KCNQ1OT1: variants seen among roughly 807,000 people sequenced by gnomAD.
KCNQ1OT1 encodes KCNQ1 antisense RNA 2 (non-protein coding).
Position 2,621,595 on chromosome 11 carries a change from CT to C in KCNQ1OT1, n.78399del. The stretch of plus-strand genomic sequence containing the variant: ...ATTGGTCTGTTCAGGCTTTCTATTC[CT>C]GATTTAATCTTAGCAGGTTGGTTTT... On this transcript the variant is annotated non_coding_transcript_exon_variant, in exon 1 of 1. Transcript: ENST00000597346. The surrounding 1 kb of genome is among the most constrained non-coding windows in gnomAD (Gnocchi z 5.7). 2.5e-6 allele frequency: 1 copy of C among 398,352 alleles called. No individual in the cohort carries two copies. Among genetic ancestry groups the C allele is most frequent in the Non-Finnish European group, 4.4e-6 (1 of 226,004 alleles). The allele number at this position is 398,352 out of a possible 1,614,324, so 24.7% of individuals were successfully genotyped here. A position where few individuals can be genotyped will look rare whatever the true frequency, so the allele number is the denominator to read the frequency against.
exon 1 of KCNQ1OT1, chr11:2,688,335 T>TG (rs1850527867): frequency 1.0e-5 from 4 of 398,624 alleles, no homozygotes; most frequent in Middle Eastern, 6.2e-4. Context: ...ACAGCTTCCA[T>TG]GGGGGTCTTC....
chr11:2,608,733 C>T lies in KCNQ1OT1; in HGVS notation n.91262G>A, dbSNP rs981613711. 1.0e-5 allele frequency: 4 copies of T among 398,316 alleles called. No homozygotes were observed. The highest frequency in any genetic ancestry group is 6.2e-5 in the African/African-American group (3 of 48,398). The allele number at this position is 398,316 out of a possible 1,614,324, so 24.7% of individuals were successfully genotyped here. On this transcript the variant is annotated non_coding_transcript_exon_variant, in exon 1 of 1. Coordinates refer to ENST00000597346, the Ensembl canonical transcript of KCNQ1OT1. The surrounding 1 kb of genome is among the most constrained non-coding windows in gnomAD (Gnocchi z 4.6). ...CGAACTCCTGGCCACAAGCAATTCT[C>T]CTGCCTTGGCCTCCCAAAGTGCTGG...
Position 2,677,741 on chromosome 11 carries a change from C to T in KCNQ1OT1, n.22254G>A, listed in dbSNP as rs1011695671. 5 of 398,328 alleles carry T rather than the reference C, an allele frequency of 1.3e-5. No individual in the cohort carries two copies. The highest frequency in any genetic ancestry group is 7.1e-5 in the East Asian group (2 of 28,074). The allele number at this position is 398,328 out of a possible 1,614,324, so 24.7% of individuals were successfully genotyped here. ...ATCTCTATTGTAAAATTTTGGTCTC[C>T]GTTTTCAGTGGATTTACTTTAAGAG... is the stretch of plus-strand genomic sequence containing the variant. On this transcript the variant is annotated non_coding_transcript_exon_variant, in exon 1 of 1. Transcript: ENST00000597346. This position sits in a 1 kb window ranked among gnomAD's most constrained non-coding sequence, Gnocchi z 4.5.
At chr11:2,667,538 T>C (rs1349779007) in exon 1 of KCNQ1OT1, 22 of 389,168 alleles carry the variant, frequency 5.7e-5, no homozygotes, top group Middle Eastern at 6.3e-4. Flanking sequence ...ACAACTGCAC[T>C]GATATTGTCA....
At chr11:2,685,979 G>T (rs1386894155) in exon 1 of KCNQ1OT1, 3 of 398,598 alleles carry the variant, frequency 7.5e-6, no homozygotes, top group Non-Finnish European at 1.3e-5. Flanking sequence ...TGTACACTCT[G>T]GGCCTCAGAC....
At chr11:2,686,988 C>T (rs1422973037) in exon 1 of KCNQ1OT1, 2 of 398,496 alleles carry the variant, frequency 5.0e-6, no homozygotes, top group Non-Finnish European at 8.8e-6. Context: ...CAACACTGGG[C>T]CCTGACTTGC....
Position 2,671,068 on chromosome 11 carries a change from T to A in KCNQ1OT1, n.28927A>T, listed in dbSNP as rs924798688. On this transcript the variant is annotated non_coding_transcript_exon_variant, in exon 1 of 1. Transcript: ENST00000597346. This position sits in a 1 kb window ranked among gnomAD's most constrained non-coding sequence, Gnocchi z 4.7. Reference sequence around the variant, plus strand: ...TATCTGAGGCACACATCCTTGGTAGTGACTGGCTAGCAGGAGGAAGTCTGG... The same window carrying A: ...TATCTGAGGCACACATCCTTGGTAGAGACTGGCTAGCAGGAGGAAGTCTGG... The A allele has an allele frequency of 1.5e-5, 6 of 398,496 alleles. No individual in the cohort carries two copies. Among genetic ancestry groups the A allele is most frequent in the African/African-American group, 1.0e-4 (5 of 48,596 alleles). 24.7% of individuals were successfully genotyped at this position (398,496 alleles called of 1,614,324 possible).
chr11:2,630,112 TA>T (rs1849329163), exon 1 of KCNQ1OT1: 1 of 398,240 alleles, frequency 2.5e-6, no homozygotes, highest in Non-Finnish European at 4.4e-6. Flanking sequence ...AATTTGTTCA[TA>T]GTTTTTATCA....
At position 2,679,748 on chromosome 11, in the gene KCNQ1OT1, G is replaced by A. The variant is rs894942343; in HGVS notation, n.20247C>T. The A allele has an allele frequency of 5.0e-6, 2 of 398,556 alleles. No individual in the cohort carries two copies. Among genetic ancestry groups the A allele is most frequent in the Admixed American group, 4.4e-5 (1 of 22,734 alleles). The allele number at this position is 398,556 out of a possible 1,614,324, so 24.7% of individuals were successfully genotyped here. ...CCAGATGCTGTGGACAGTGATGATGGGAAAATAGTCCCTGCTGCACACTAG... is the reference window on the plus strand; with the variant it reads ...CCAGATGCTGTGGACAGTGATGATGAGAAAATAGTCCCTGCTGCACACTAG... On this transcript the variant is annotated non_coding_transcript_exon_variant, in exon 1 of 1. Transcript: ENST00000597346. This position sits in a 1 kb window ranked among gnomAD's most constrained non-coding sequence, Gnocchi z 4.8.
chr11:2,614,475 A>T (rs910929265), exon 1 of KCNQ1OT1: 1 of 398,190 alleles, frequency 2.5e-6, no homozygotes, highest in Non-Finnish European at 4.4e-6. Context: ...AGTCATAAAG[A>T]TTTACTCCTG....
At chr11:2,632,648 A>G (rs1038680200) in exon 1 of KCNQ1OT1, 6 of 398,278 alleles carry the variant, frequency 1.5e-5, no homozygotes, top group African/African-American at 1.2e-4. Flanking sequence ...CAACTCAAAT[A>G]TCATTTCTCT....
At position 2,645,921 on chromosome 11, in the gene KCNQ1OT1, G is replaced by A; in HGVS notation, n.54074C>T. On this transcript the variant is annotated non_coding_transcript_exon_variant, in exon 1 of 1. Coordinates refer to ENST00000597346, the Ensembl canonical transcript of KCNQ1OT1. The surrounding 1 kb of genome is among the most constrained non-coding windows in gnomAD (Gnocchi z 5.8). Reference sequence around the variant, plus strand: ...GTTCATTGCCATTTCACAGTCTGTAGGTAGCCTCTTGTTAGTCTCAAGGCA... The same window carrying A: ...GTTCATTGCCATTTCACAGTCTGTAAGTAGCCTCTTGTTAGTCTCAAGGCA... 1 of 398,612 alleles carries A rather than the reference G, an allele frequency of 2.5e-6. No homozygotes were observed. The allele number at this position is 398,612 out of a possible 1,614,324, so 24.7% of individuals were successfully genotyped here.
At chr11:2,680,504 A>T in exon 1 of KCNQ1OT1, 1 of 398,482 alleles carries the variant, frequency 2.5e-6, no homozygotes, top group East Asian at 3.6e-5. Context: ...TTTAAAATAA[A>T]TTTTTATTTT....
exon 1 of KCNQ1OT1, chr11:2,666,587 G>C: frequency 2.5e-6 from 1 of 398,660 alleles, no homozygotes; most frequent in Non-Finnish European, 4.4e-6. Context: ...GGGCCAGTCT[G>C]TGCTGTCTGG....
At chr11:2,639,121 T>A (rs1272638155) in exon 1 of KCNQ1OT1, 1 of 152,224 alleles carries the variant, frequency 6.6e-6, no homozygotes, top group Non-Finnish European at 1.5e-5. Context: ...TCGTCTAATC[T>A]TTTTTCAAGG....
In KCNQ1OT1 at chr11:2,674,389, A is replaced by G. The variant is rs373041940; in HGVS notation, n.25606T>C. The G allele has an allele frequency of 2.5e-4, 39 of 156,900 alleles. No individual in the cohort carries two copies. Among genetic ancestry groups the G allele is most frequent in the East Asian group, 2.3e-3 (14 of 6,148 alleles). 9.7% of individuals were successfully genotyped at this position (156,900 alleles called of 1,614,324 possible). A position where few individuals can be genotyped will look rare whatever the true frequency, so the allele number is the denominator to read the frequency against. On this transcript the variant is annotated non_coding_transcript_exon_variant, in exon 1 of 1. Transcript: ENST00000597346. This position sits in a 1 kb window ranked among gnomAD's most constrained non-coding sequence, Gnocchi z 5.9. ...GCAGCTTCCTGCTTAGGGAAGGTGCATGCGTGCGTGTGTGTGTGCGCGCCC... is the reference window on the plus strand; with the variant it reads ...GCAGCTTCCTGCTTAGGGAAGGTGCGTGCGTGCGTGTGTGTGTGCGCGCCC...
rs1432540478 is a variant in KCNQ1OT1, at chr11:2,620,819, C to T, written n.79176G>A. The stretch of plus-strand genomic sequence containing the variant: ...TGTATTCCTGCCAACAGTGTATAAG[C>T]GTTCCCTTTTCTCTGCAGCCTTCCC... On this transcript the variant is annotated non_coding_transcript_exon_variant, in exon 1 of 1. Coordinates refer to ENST00000597346, the Ensembl canonical transcript of KCNQ1OT1. This position sits in a 1 kb window ranked among gnomAD's most constrained non-coding sequence, Gnocchi z 4.5. 18 of 398,436 alleles carry T rather than the reference C, an allele frequency of 4.5e-5. No individual in the cohort carries two copies. Among genetic ancestry groups the T allele is most frequent in the Middle Eastern group, 6.2e-4 (1 of 1,610 alleles). 24.7% of individuals were successfully genotyped at this position (398,436 alleles called of 1,614,324 possible).
exon 1 of KCNQ1OT1, chr11:2,680,585 G>A (rs1850379325): frequency 5.0e-6 from 2 of 398,136 alleles, no homozygotes; most frequent in Non-Finnish European, 8.8e-6. Flanking sequence ...CCTTTACCTA[G>A]TCTCCCCCGA....
chr11:2,650,923 C>A (rs1269638427), exon 1 of KCNQ1OT1: 1 of 398,492 alleles, frequency 2.5e-6, no homozygotes, highest in Admixed American at 4.4e-5. Context: ...GGCTGAAAGT[C>A]TTTTTTAAAT....
Sources: allele counts gnomAD v4.1 joint callset, GRCh38; gene constraint gnomAD v4.1.1; non-coding constraint Gnocchi (gnomAD v3.1); transcripts MANE v1.5; gene names NCBI Gene and HGNC (gene_info 2026-07-23, HGNC 2026-07-21).